Variants in EEA1 observed in about 807,000 individuals in gnomAD.
The protein encoded by EEA1 is early endosome antigen 1, also known as early endosome antigen 1, 162kD.
In EEA1, 111 loss-of-function variants were observed where a neutral mutation model predicts 209.2. That is an observed-to-expected ratio of 0.53 (90% CI 0.45 to 0.62). The LOEUF (loss-of-function observed/expected upper bound fraction) is 0.62. EEA1 is among the 20% of genes least tolerant of loss of function. The probability of loss-of-function intolerance (pLI) is 0.00; values close to 1 mark genes in which losing one functional copy is unlikely to be tolerated. For synonymous variants in EEA1, 536 were observed against 540.6 expected, an observed-to-expected ratio of 0.99 and a Z score of 0.12; for missense variants, 1,343 against 1,530.8, an observed-to-expected ratio of 0.88 and a Z score of 2.05.
chr12:92,900,201 G>A (rs1200318512), intron 1 of EEA1, among the ~76,000 whole-genome samples: 8 of 152,120 alleles, frequency 5.3e-5, no homozygotes, highest in Admixed American at 5.2e-4. Flanking sequence ...CGTATCCTTA[G>A]CTATCACTGA....
intron 9 of EEA1, among the ~76,000 whole-genome samples, chr12:92,847,243 C>T (rs1877424748): frequency 1.3e-5 from 2 of 152,202 alleles, no homozygotes; most frequent in Non-Finnish European, 2.9e-5. Flanking sequence ...GTGTGAGCCA[C>T]TGCACCTGGC....
intron 21 of EEA1, among the ~76,000 whole-genome samples, chr12:92,788,714 A>C (rs1158132569): frequency 6.6e-6 from 1 of 152,216 alleles, no homozygotes; most frequent in Non-Finnish European, 1.5e-5. Context: ...TGTTGAAGTC[A>C]TTAGTGACTG....
At chr12:92,887,790 T>C (rs1295862399) in intron 2 of EEA1, among the ~76,000 whole-genome samples, 2 of 152,138 alleles carry the variant, frequency 1.3e-5, no homozygotes, top group Non-Finnish European at 2.9e-5. Flanking sequence ...AACCCCATCA[T>C]AAATCGAAGA....
At chr12:92,840,131 T>C in intron 10 of EEA1, among the ~76,000 whole-genome samples, 1 of 152,304 alleles carries the variant, frequency 6.6e-6, no homozygotes, top group Middle Eastern at 3.4e-3. Context: ...ATTTTTTTCT[T>C]TCTTGACTTT....
intron 1 of EEA1, among the ~76,000 whole-genome samples, chr12:92,895,133 ATTTTTTTTTTTTTTTT>A (rs537064468): frequency 1.1e-5 from 1 of 95,088 alleles, no homozygotes; most frequent in Non-Finnish European, 2.0e-5. Context: ...GGATCACTGA[ATTTTTTTTTTTTTTTT>A]TTTTTTTTTT....
intron 1 of EEA1, among the ~76,000 whole-genome samples, chr12:92,901,291 A>G (rs1214089839): frequency 6.6e-6 from 1 of 152,056 alleles, no homozygotes; most frequent in Non-Finnish European, 1.5e-5. Flanking sequence ...GGCTCCAGTG[A>G]TTCTCCTGCC....
At chr12:92,866,770 T>C (rs759654479) in intron 2 of EEA1, among the ~76,000 whole-genome samples, 1 of 152,158 alleles carries the variant, frequency 6.6e-6, no homozygotes, top group Non-Finnish European at 1.5e-5. Context: ...GCATCTCAAA[T>C]ACAACAAATG....
chr12:92,889,439 A>G (rs1879566887), intron 2 of EEA1, among the ~76,000 whole-genome samples: 2 of 151,984 alleles, frequency 1.3e-5, no homozygotes, highest in Admixed American at 1.3e-4. Flanking sequence ...AAGTACATAA[A>G]GAGTAATAAA....
At chr12:92,811,202 T>C in intron 17 of EEA1, 77 bp downstream of exon 17, 1 of 1,023,758 alleles carries the variant, frequency 9.8e-7, no homozygotes, top group Non-Finnish European at 1.3e-6. Context: ...TAAAAATCTT[T>C]GATTCCATGT....
Position 92,929,110 on chromosome 12 carries a change from C to A in EEA1, c.-44G>T. On this transcript the variant is annotated 5_prime_UTR_variant, in exon 1 of 29. It adds an upstream start codon to the 5' untranslated region. Coordinates refer to ENST00000322349, the MANE Select transcript of EEA1 (RefSeq NM_003566.4). Reference sequence around the variant, plus strand: ...CGCCGCCGCGGTGACTCTCCAGACCCTGCGCGGGGCCACTCACTACTCGGG... The same window carrying A: ...CGCCGCCGCGGTGACTCTCCAGACCATGCGCGGGGCCACTCACTACTCGGG... 1.3e-6 allele frequency: 2 copies of A among 1,561,838 alleles called. No homozygotes were observed. The highest frequency in any genetic ancestry group is 1.7e-6 in the Non-Finnish European group (2 of 1,153,842).
chr12:92,842,785 T>A (rs1877225628), intron 9 of EEA1, among the ~76,000 whole-genome samples: 1 of 152,232 alleles, frequency 6.6e-6, no homozygotes, highest in Non-Finnish European at 1.5e-5. Flanking sequence ...GATGCATAAC[T>A]TCATTTATTT....
Position 92,852,199 on chromosome 12 carries a change from TA to T in EEA1, c.617del (p.Val206GlufsTer5). The T allele has an allele frequency of 6.3e-7, 1 of 1,588,846 alleles. No individual in the cohort carries two copies. The highest frequency in any genetic ancestry group is 8.6e-7 in the Non-Finnish European group (1 of 1,169,170). On this transcript the variant is annotated frameshift_variant, in exon 8 of 29. Coordinates refer to ENST00000322349, the MANE Select transcript of EEA1 (RefSeq NM_003566.4). LOFTEE classifies it high-confidence loss of function. ...LTEELNKEATVIQDLKTELLQ... is the reference protein window; with the variant it reads ...LTEELNKEATXIQDLKTELLQ... Reference sequence around the variant, plus strand: ...CCAGTTCCGTCTTCAGATCTTGAATTACAGTTGCCTCTTTGTTTAATTCTTC... The same window carrying T: ...CCAGTTCCGTCTTCAGATCTTGAATTCAGTTGCCTCTTTGTTTAATTCTTC...
At chr12:92,820,704 G>GT (rs1404258820) in intron 13 of EEA1, among the ~76,000 whole-genome samples, 1 of 151,894 alleles carries the variant, frequency 6.6e-6, no homozygotes, top group Non-Finnish European at 1.5e-5. Context: ...TGGTACATGT[G>GT]TAACTATGTA....
intron 21 of EEA1, among the ~76,000 whole-genome samples, chr12:92,795,527 C>G (rs1370583228): frequency 6.6e-6 from 1 of 152,038 alleles, no homozygotes; most frequent in African/African-American, 2.4e-5. Flanking sequence ...GACTGGAGGG[C>G]CCGGAACATT....
At chr12:92,821,420 T>A (rs544610030) in intron 13 of EEA1, among the ~76,000 whole-genome samples, 5 of 152,212 alleles carry the variant, frequency 3.3e-5, no homozygotes, top group African/African-American at 9.6e-5. Context: ...CCTTAACTAT[T>A]CTTTCAACCA....
At chr12:92,916,368 A>G (rs1880759793) in intron 1 of EEA1, among the ~76,000 whole-genome samples, 1 of 151,890 alleles carries the variant, frequency 6.6e-6, no homozygotes, top group Admixed American at 6.6e-5. Flanking sequence ...AAACTTAAAA[A>G]TCTGGGCCGG....
chr12:92,865,961 G>C lies in EEA1; in HGVS notation c.118-974C>G, dbSNP rs146217601. Among the ~76,000 whole-genome samples, 602 of 151,588 alleles carry C rather than the reference G, an allele frequency of 4.0e-3. 4 individuals carry two copies. The highest frequency in any genetic ancestry group is 0.014 in the African/African-American group (566 of 41,390). On this transcript the variant is annotated intron_variant, in intron 2 of 28. Coordinates refer to ENST00000322349, the MANE Select transcript of EEA1 (RefSeq NM_003566.4). Reference sequence around the variant, plus strand: ...GATGGGGTTTCGCCATGTTGGCCCGGTGGTCTCGAACTCCTGACCTCAGGT... The same window carrying C: ...GATGGGGTTTCGCCATGTTGGCCCGCTGGTCTCGAACTCCTGACCTCAGGT...
chr12:92,820,291 CTCT>C (rs1875983635), intron 13 of EEA1, among the ~76,000 whole-genome samples: 1 of 152,094 alleles, frequency 6.6e-6, no homozygotes, highest in Non-Finnish European at 1.5e-5. Context: ...CAAGAGATCC[CTCT>C]TCTTTTACTT....
At chr12:92,898,010 A>G (rs542617315) in intron 1 of EEA1, among the ~76,000 whole-genome samples, 1 of 152,304 alleles carries the variant, frequency 6.6e-6, no homozygotes, top group South Asian at 2.1e-4. Context: ...TTATTGCGAT[A>G]CTTGTTTTAT....
Sources: allele counts gnomAD v4.1 joint callset (sites outside exome capture counted in the v4.1 genomes callset), GRCh38; gene constraint gnomAD v4.1.1; transcripts MANE v1.5; gene names NCBI Gene and HGNC (gene_info 2026-07-23, HGNC 2026-07-21).